The following CREB5 variants were observed in gnomAD, a reference collection of about 807,000 sequenced individuals.
CREB5 encodes cAMP responsive element binding protein 5, also known as cyclic AMP-responsive element-binding protein 5.
In CREB5, 19 loss-of-function variants were observed where a neutral mutation model predicts 57.1. The observed-to-expected ratio is 0.33, with a 90% confidence interval of 0.23 to 0.49. The LOEUF is 0.49. CREB5 is among the 20% of genes least tolerant of loss of function. The pLI, the probability that CREB5 is intolerant of heterozygous loss-of-function variation, is 0.99. For synonymous variants in CREB5, 238 were observed against 238.3 expected, an observed-to-expected ratio of 1.00 and a Z score of 0.01; for missense variants, 579 against 671.6, an observed-to-expected ratio of 0.86 and a Z score of 1.52.
At chr7:28,457,714 A>G (rs1459469103) in intron 1 of CREB5, among the ~76,000 whole-genome samples, 1 of 152,172 alleles carries the variant, frequency 6.6e-6, no homozygotes, top group Non-Finnish European at 1.5e-5. Context: ...CCTGGGAGTC[A>G]GTTGGATATG....
intron 4 of CREB5, among the ~76,000 whole-genome samples, chr7:28,565,878 G>A (rs759004859): frequency 3.9e-5 from 6 of 152,148 alleles, no homozygotes; most frequent in East Asian, 1.9e-4. Flanking sequence ...CCGAGACTGC[G>A]TCATTGTACT....
At chr7:28,575,231 T>A (rs1327191427) in intron 5 of CREB5, among the ~76,000 whole-genome samples, 1 of 152,196 alleles carries the variant, frequency 6.6e-6, no homozygotes, top group Non-Finnish European at 1.5e-5. Flanking sequence ...GCAGAAGCAA[T>A]GCTACGAGTC....
intron 5 of CREB5, among the ~76,000 whole-genome samples, chr7:28,647,034 A>T (rs2128704504): frequency 6.6e-6 from 1 of 152,158 alleles, no homozygotes; most frequent in South Asian, 2.1e-4. Context: ...AATGAGAAGA[A>T]AAAGCTTACT....
At chr7:28,401,567 C>T (rs1211668447) in intron 1 of CREB5, among the ~76,000 whole-genome samples, 1 of 152,140 alleles carries the variant, frequency 6.6e-6, no homozygotes, top group Non-Finnish European at 1.5e-5. Context: ...TCTCCCCTTT[C>T]CCCAACCACG....
At chr7:28,699,737 G>A (rs1377788011) in intron 5 of CREB5, among the ~76,000 whole-genome samples, 1 of 152,076 alleles carries the variant, frequency 6.6e-6, no homozygotes, top group Non-Finnish European at 1.5e-5. Flanking sequence ...CCAAATTATG[G>A]CTCTATTTTT....
At chr7:28,554,857 G>A (rs1794796764) in intron 4 of CREB5, among the ~76,000 whole-genome samples, 1 of 152,232 alleles carries the variant, frequency 6.6e-6, no homozygotes, top group African/African-American at 2.4e-5. Flanking sequence ...GCGAGTCAAG[G>A]AGGGAAGCGG....
At chr7:28,358,331 G>T (rs2127991671) in intron 1 of CREB5, among the ~76,000 whole-genome samples, 2 of 152,318 alleles carry the variant, frequency 1.3e-5, no homozygotes, top group Middle Eastern at 6.8e-3. Context: ...TGTCCCACCT[G>T]TGGACCCCAA....
chr7:28,805,969 C>T (rs1583788818), intron 8 of CREB5, among the ~76,000 whole-genome samples: 1 of 151,502 alleles, frequency 6.6e-6, no homozygotes, highest in East Asian at 1.9e-4. Flanking sequence ...TTTTTAGTCA[C>T]ATTTTTAGTC....
chr7:28,579,434 T>A (rs1014435050), intron 5 of CREB5, among the ~76,000 whole-genome samples: 5 of 152,034 alleles, frequency 3.3e-5, no homozygotes, highest in African/African-American at 1.2e-4. Flanking sequence ...TTCAAGGAAT[T>A]TGGAGTTTTA....
intron 4 of CREB5, among the ~76,000 whole-genome samples, chr7:28,537,128 T>C (rs980008481): frequency 6.6e-6 from 1 of 152,254 alleles, no homozygotes; most frequent in African/African-American, 2.4e-5. Flanking sequence ...AGAGGTTGAA[T>C]TGTGCTGTTC....
intron 4 of CREB5, among the ~76,000 whole-genome samples, chr7:28,560,797 A>C (rs1207714683): frequency 2.3e-5 from 2 of 86,550 alleles, no homozygotes; most frequent in African/African-American, 8.0e-5. Flanking sequence ...CTGCTTCCAC[A>C]GTGTGTGTGC....
intron 1 of CREB5, among the ~76,000 whole-genome samples, chr7:28,385,134 C>T (rs1787061167): frequency 6.6e-6 from 1 of 152,128 alleles, no homozygotes; most frequent in Non-Finnish European, 1.5e-5. Context: ...AGTACTATAG[C>T]TTATACTGAC....
At chr7:28,346,504 A>T (rs542847748) in intron 1 of CREB5, among the ~76,000 whole-genome samples, 1 of 152,234 alleles carries the variant, frequency 6.6e-6, no homozygotes, top group Non-Finnish European at 1.5e-5. Context: ...TAGGATTTCA[A>T]CATGTGAATT....
At chr7:28,376,963 A>G (rs1786843693) in intron 1 of CREB5, among the ~76,000 whole-genome samples, 1 of 152,232 alleles carries the variant, frequency 6.6e-6, no homozygotes, top group South Asian at 2.1e-4. Flanking sequence ...CCAATCATAC[A>G]ATTATAGGCT....
At chr7:28,550,218 T>C (rs1482764508) in intron 4 of CREB5, among the ~76,000 whole-genome samples, 26 of 152,044 alleles carry the variant, frequency 1.7e-4, no homozygotes. Context: ...TTCCTCCTTC[T>C]CCTCCTTCTC....
At chr7:28,599,842 T>G (rs1212732742) in intron 5 of CREB5, among the ~76,000 whole-genome samples, 1 of 152,112 alleles carries the variant, frequency 6.6e-6, no homozygotes, top group Non-Finnish European at 1.5e-5. Context: ...AGGCAGGATA[T>G]GAGAATTGTT....
Position 28,737,526 on chromosome 7 carries a change from TGTATATATATAC to T in CREB5, c.702+13206_702+13217del, listed in dbSNP as rs1236942943. Among the ~76,000 whole-genome samples, 117 of 128,546 alleles carry T rather than the reference TGTATATATATAC, an allele frequency of 9.1e-4. 2 individuals carry two copies. Among genetic ancestry groups the T allele is most frequent in the Non-Finnish European group, 1.6e-3 (95 of 60,892 alleles). The allele number at this position is 128,546 out of a possible 152,430, so 84.3% of individuals were successfully genotyped here. A position where few individuals can be genotyped will look rare whatever the true frequency, so the allele number is the denominator to read the frequency against. On this transcript the variant is annotated intron_variant, in intron 7 of 10. Coordinates refer to ENST00000357727, the MANE Select transcript of CREB5 (RefSeq NM_182898.4). ...CTCTCTGTGTGTGTGTGTGTATATA[TGTATATATATAC>T]GTATATATATATATATATATATATA...
At chr7:28,774,057 C>T (rs746540562) in intron 7 of CREB5, among the ~76,000 whole-genome samples, 1 of 152,204 alleles carries the variant, frequency 6.6e-6, no homozygotes, top group Non-Finnish European at 1.5e-5. Context: ...GTTTCGTACT[C>T]TTGACTACCA....
At chr7:28,538,836 T>C (rs1318402654) in intron 4 of CREB5, among the ~76,000 whole-genome samples, 1 of 152,256 alleles carries the variant, frequency 6.6e-6, no homozygotes, top group East Asian at 1.9e-4. Flanking sequence ...TCACTGTGAT[T>C]TCATCTTTAA....
Sources: gnomAD v4.1 joint callset for allele counts (sites outside exome capture counted in the v4.1 genomes callset) on GRCh38, gnomAD v4.1.1 for gene constraint, MANE v1.5 for transcripts, NCBI Gene and HGNC (gene_info 2026-07-23, HGNC 2026-07-21) for gene names.